KIF18A: variants seen among roughly 807,000 people sequenced by gnomAD.
The protein encoded by KIF18A is kinesin-like protein KIF18A.
In KIF18A, 67 loss-of-function variants were observed where a neutral mutation model predicts 103.3. That is an observed-to-expected ratio of 0.65 (90% CI 0.53 to 0.79). The LOEUF (loss-of-function observed/expected upper bound fraction) is 0.79, where lower values mean the gene tolerates loss of function less well. KIF18A is among the 30% of genes least tolerant of loss of function. The pLI is 0.00. For synonymous variants in KIF18A, 367 were observed against 355.5 expected, an observed-to-expected ratio of 1.03 and a Z score of -0.36; for missense variants, 1,032 against 1,062.5, an observed-to-expected ratio of 0.97 and a Z score of 0.40.
At chr11:28,041,548 C>T (rs770352382) in intron 13 of KIF18A, among the ~76,000 whole-genome samples, 1 of 151,726 alleles carries the variant, frequency 6.6e-6, no homozygotes, top group Non-Finnish European at 1.5e-5. Flanking sequence ...GATTTATGGA[C>T]AAGACAAGGG....
intron 11 of KIF18A, among the ~76,000 whole-genome samples, chr11:28,066,679 C>T (rs1484871272): frequency 6.6e-6 from 1 of 150,464 alleles, no homozygotes; most frequent in East Asian, 2.0e-4. Flanking sequence ...ATAAATTTGA[C>T]CTCCCCAATC....
chr11:28,051,003 A>G (rs1850704899), intron 13 of KIF18A, among the ~76,000 whole-genome samples: 1 of 151,916 alleles, frequency 6.6e-6, no homozygotes, highest in Admixed American at 6.6e-5. Context: ...ACAAAAATAC[A>G]AAATATTGTA....
intron 16 of KIF18A, 78 bp from the exon 17 acceptor site, chr11:28,021,360 T>C (rs768615639): frequency 8.9e-7 from 1 of 1,127,814 alleles, no homozygotes; most frequent in Non-Finnish European, 1.1e-6. Flanking sequence ...CTTATAAAAA[T>C]TATGACCATA....
intron 7 of KIF18A, 137 bp from the exon 8 acceptor site, chr11:28,083,380 CT>C (rs1565087249): frequency 2.1e-6 from 2 of 946,198 alleles, no homozygotes; most frequent in South Asian, 5.0e-5. Flanking sequence ...CATTTAAAAT[CT>C]ATGACAAGAG....
At chr11:28,085,852 A>G (rs1013983267) in intron 6 of KIF18A, among the ~76,000 whole-genome samples, 1 of 152,170 alleles carries the variant, frequency 6.6e-6, no homozygotes, top group African/African-American at 2.4e-5. Context: ...TTGACCCTAC[A>G]CTTCACTATA....
At chr11:28,033,797 C>G (rs1850443586) in intron 15 of KIF18A, among the ~76,000 whole-genome samples, 1 of 151,058 alleles carries the variant, frequency 6.6e-6, no homozygotes, top group Non-Finnish European at 1.5e-5. Context: ...TTTGATAGCA[C>G]AACAGGGTAA....
At position 28,097,909 on chromosome 11, in the gene KIF18A, T is replaced by C. The variant is rs773454924; in HGVS notation, c.39A>G (p.Lys13=). Residue 13 remains lysine (K), a synonymous_variant, in exon 2 of 17, where the codon AAA becomes AAG. Transcript: ENST00000263181. ...VTEEDLCHHM[K]VVVRVRPENT... ...TTTCCGGACGTACACGAACTACTACTTTCATATGGTGGCACAGGTCTTCCT... is the reference window on the plus strand; with the variant it reads ...TTTCCGGACGTACACGAACTACTACCTTCATATGGTGGCACAGGTCTTCCT... 1 of 1,599,458 alleles carries C rather than the reference T, an allele frequency of 6.3e-7. No individual in the cohort carries two copies. The highest frequency in any genetic ancestry group is 1.7e-5 in the Admixed American group (1 of 57,654).
At chr11:28,071,744 T>G (rs1299014166) in intron 10 of KIF18A, among the ~76,000 whole-genome samples, 2 of 152,162 alleles carry the variant, frequency 1.3e-5, no homozygotes, top group African/African-American at 4.8e-5. Context: ...ACCTATTGAC[T>G]TTTCTCTGCT....
chr11:28,035,065 GAAGT>G (rs1311045591), intron 15 of KIF18A, among the ~76,000 whole-genome samples: 8 of 151,750 alleles, frequency 5.3e-5, no homozygotes, highest in South Asian at 2.1e-4. Flanking sequence ...AAAGGATAAT[GAAGT>G]AAGTAGAAAT....
chr11:28,101,795 G>A (rs1325667111), intron 1 of KIF18A, among the ~76,000 whole-genome samples: 1 of 152,104 alleles, frequency 6.6e-6, no homozygotes, highest in Non-Finnish European at 1.5e-5. Flanking sequence ...AGACTATAAT[G>A]AGGGGATTAT....
intron 13 of KIF18A, among the ~76,000 whole-genome samples, chr11:28,053,080 A>G (rs1421064642): frequency 8.6e-6 from 1 of 115,646 alleles, no homozygotes; most frequent in Non-Finnish European, 2.1e-5. Context: ...TAGCAAAGAC[A>G]AAAGTGGGAG....
chr11:28,041,538 G>A (rs1850560865), intron 13 of KIF18A, among the ~76,000 whole-genome samples: 2 of 151,814 alleles, frequency 1.3e-5, no homozygotes, highest in African/African-American at 4.8e-5. Flanking sequence ...CTTATGTTAG[G>A]ATTTATGGAC....
At chr11:28,091,298 C>T in intron 4 of KIF18A, 111 bp downstream of exon 4, 1 of 601,706 alleles carries the variant, frequency 1.7e-6, no homozygotes, top group Non-Finnish European at 3.0e-6. Flanking sequence ...AATTCTGTAC[C>T]TCATTAGTTT....
intron 4 of KIF18A, 54 bp downstream of exon 4, chr11:28,091,354 AG>A: frequency 1.1e-6 from 1 of 917,168 alleles, no homozygotes; most frequent in Non-Finnish European, 1.7e-6. Context: ...TGGTGAAAAT[AG>A]CTTAATAGTC....
chr11:28,028,982 G>A (rs1032451597), intron 15 of KIF18A, among the ~76,000 whole-genome samples: 18 of 152,228 alleles, frequency 1.2e-4, no homozygotes, highest in African/African-American at 3.4e-4. Flanking sequence ...AAACCAGGAC[G>A]AAGTTGAATC....
intron 2 of KIF18A, among the ~76,000 whole-genome samples, chr11:28,097,170 C>T (rs974593734): frequency 6.6e-6 from 1 of 152,076 alleles, no homozygotes; most frequent in Non-Finnish European, 1.5e-5. Context: ...CTCCTCCTAT[C>T]CTTCGCCAAC....
rs1305969832 is a variant in KIF18A, at chr11:28,023,861, A to G, written c.2505-11T>C. On this transcript the variant is annotated splice_polypyrimidine_tract_variant and intron_variant, in intron 15 of 16. Coordinates refer to ENST00000263181, the MANE Select transcript of KIF18A (RefSeq NM_031217.4). ...CTGTTTGATGTAGAACTTGAGAGGAAAAGTTTTTAATTTAGTTAAGCATTT... is the reference window on the plus strand; with the variant it reads ...CTGTTTGATGTAGAACTTGAGAGGAGAAGTTTTTAATTTAGTTAAGCATTT... 3.3e-6 allele frequency: 5 copies of G among 1,536,960 alleles called. No individual in the cohort carries two copies. Among genetic ancestry groups the G allele is most frequent in the African/African-American group, 1.4e-5 (1 of 72,394 alleles).
At chr11:28,046,824 G>A (rs1850641675) in intron 13 of KIF18A, among the ~76,000 whole-genome samples, 1 of 150,810 alleles carries the variant, frequency 6.6e-6, no homozygotes, top group Admixed American at 6.6e-5. Flanking sequence ...GGCTGAGATA[G>A]GTGGATCACC....
At chr11:28,072,110 A>G (rs1181449294) in intron 10 of KIF18A, among the ~76,000 whole-genome samples, 3 of 152,282 alleles carry the variant, frequency 2.0e-5, no homozygotes, top group East Asian at 3.9e-4. Context: ...GTTTGGGAAT[A>G]CATTCTAAAA....
Sources: allele counts gnomAD v4.1 joint callset (sites outside exome capture counted in the v4.1 genomes callset), GRCh38; gene constraint gnomAD v4.1.1; transcripts MANE v1.5; gene names NCBI Gene and HGNC (gene_info 2026-07-23, HGNC 2026-07-21).